Variants in LRRTM4 observed in about 807,000 individuals in gnomAD.
LRRTM4 encodes leucine rich repeat transmembrane neuronal 4, also known as leucine-rich repeat transmembrane neuronal protein 4.
LRRTM4 carries 25 observed loss-of-function variants against 47.6 expected under a neutral mutation model. The observed-to-expected ratio is 0.53, with a 90% confidence interval of 0.38 to 0.73. The LOEUF (loss-of-function observed/expected upper bound fraction) is 0.73, where lower values mean the gene tolerates loss of function less well. Ranked by LOEUF, LRRTM4 falls within the 30% of genes least tolerant of loss-of-function variation. The pLI is 0.00. For synonymous variants in LRRTM4, 311 were observed against 269.5 expected (o/e 1.15, Z -1.51); for missense variants, 638 against 713.4 (o/e 0.89, Z 1.20).
chr2:77,020,228 A>T (rs1235482376), intron 3 of LRRTM4, among the ~76,000 whole-genome samples: 1 of 152,134 alleles, frequency 6.6e-6, no homozygotes, highest in Non-Finnish European at 1.5e-5. Flanking sequence ...AAAATAAAAA[A>T]TAAAAACCTT....
chr2:77,428,139 T>C (rs1348684552), intron 3 of LRRTM4, among the ~76,000 whole-genome samples: 3 of 152,154 alleles, frequency 2.0e-5, no homozygotes, highest in African/African-American at 7.2e-5. Flanking sequence ...GTGTTTCCTT[T>C]CCTTTCTGTC....
At chr2:77,229,400 C>T (rs1428015750) in intron 3 of LRRTM4, among the ~76,000 whole-genome samples, 1 of 152,068 alleles carries the variant, frequency 6.6e-6, no homozygotes, top group African/African-American at 2.4e-5. Context: ...CAAATGATTT[C>T]TAACCTTCTT....
At chr2:77,508,477 C>T (rs1678860515) in intron 3 of LRRTM4, among the ~76,000 whole-genome samples, 1 of 152,096 alleles carries the variant, frequency 6.6e-6, no homozygotes, top group Non-Finnish European at 1.5e-5. Context: ...GGCCAAATCC[C>T]CTCATTGGAA....
chr2:77,048,150 G>A (rs974221421), intron 3 of LRRTM4, among the ~76,000 whole-genome samples: 1 of 152,014 alleles, frequency 6.6e-6, no homozygotes, highest in African/African-American at 2.4e-5. Flanking sequence ...GGGAAAAAAT[G>A]AAGCAGCATG....
chr2:77,486,329 G>A (rs1447819665), intron 3 of LRRTM4, among the ~76,000 whole-genome samples: 1 of 151,952 alleles, frequency 6.6e-6, no homozygotes, highest in Non-Finnish European at 1.5e-5. Context: ...TCAAAAACAG[G>A]GCAGAGCAGT....
chr2:76,901,293 C>CTT (rs1673622518), intron 3 of LRRTM4, among the ~76,000 whole-genome samples: 1 of 152,084 alleles, frequency 6.6e-6, no homozygotes, highest in African/African-American at 2.4e-5. Context: ...TAAGTGAGAA[C>CTT]ATGCAGTGTT....
chr2:77,450,346 T>A (rs543622651), intron 3 of LRRTM4, among the ~76,000 whole-genome samples: 181 of 151,376 alleles, frequency 1.2e-3, no homozygotes, highest in African/African-American at 4.0e-3. Context: ...TCTCATCAGG[T>A]ACAAAGTTAC....
chr2:77,098,656 T>C (rs945478232), intron 3 of LRRTM4, among the ~76,000 whole-genome samples: 9 of 151,872 alleles, frequency 5.9e-5, no homozygotes, highest in African/African-American at 2.2e-4. Flanking sequence ...AAATTGATCA[T>C]ATTTAAAGAC....
chr2:77,099,858 A>G (rs1572961878), intron 3 of LRRTM4, among the ~76,000 whole-genome samples: 1 of 152,222 alleles, frequency 6.6e-6, no homozygotes, highest in South Asian at 2.1e-4. Context: ...TAATTTTAAA[A>G]ATAAAATAAT....
At chr2:77,325,184 C>A (rs956890983) in intron 3 of LRRTM4, among the ~76,000 whole-genome samples, 2 of 152,112 alleles carry the variant, frequency 1.3e-5, no homozygotes, top group Admixed American at 6.6e-5. Context: ...GGACTGCCCC[C>A]CTTCAAAGAG....
At chr2:77,367,461 T>C (rs1672505908) in intron 3 of LRRTM4, among the ~76,000 whole-genome samples, 1 of 151,864 alleles carries the variant, frequency 6.6e-6, no homozygotes, top group Non-Finnish European at 1.5e-5. Context: ...AGTACTTGTG[T>C]ACAAAGCATA....
chr2:76,901,752 G>C (rs987727501), intron 3 of LRRTM4, among the ~76,000 whole-genome samples: 2 of 152,078 alleles, frequency 1.3e-5, no homozygotes, highest in African/African-American at 4.8e-5. Flanking sequence ...TCCTTGTTGA[G>C]TGGGGGTTCC....
At position 77,041,688 on chromosome 2, in the gene LRRTM4, T is replaced by C. The variant is rs572948763; in HGVS notation, c.1552-292772A>G. 2.0e-5 allele frequency among the ~76,000 whole-genome samples: 3 copies of C among 151,428 alleles called. No homozygotes were observed. The East Asian group carries it at 5.9e-4, about 30-fold the overall frequency. On this transcript the variant is annotated intron_variant, in intron 3 of 3. Coordinates refer to ENST00000409884, the MANE Select transcript of LRRTM4 (RefSeq NM_001134745.3). Reference sequence around the variant, plus strand: ...ACTTTTTCATACATCTGTTGGCCCTTTCTATGTCTTTTTTTGAGAAGTATC... The same window carrying C: ...ACTTTTTCATACATCTGTTGGCCCTCTCTATGTCTTTTTTTGAGAAGTATC...
At chr2:76,752,163 C>T (rs1328929916) in intron 3 of LRRTM4, among the ~76,000 whole-genome samples, 3 of 152,106 alleles carry the variant, frequency 2.0e-5, no homozygotes, top group African/African-American at 7.2e-5. Context: ...GAGATGAAAT[C>T]AGGGCCTTAG....
intron 3 of LRRTM4, among the ~76,000 whole-genome samples, chr2:76,843,656 C>A (rs923479004): frequency 6.6e-6 from 1 of 152,012 alleles, no homozygotes; most frequent in Non-Finnish European, 1.5e-5. Context: ...AATAAACAGA[C>A]AAAATAATAC....
intron 3 of LRRTM4, among the ~76,000 whole-genome samples, chr2:77,465,300 T>C (rs1204068981): frequency 6.6e-6 from 1 of 152,192 alleles, no homozygotes; most frequent in Non-Finnish European, 1.5e-5. Context: ...TAGTTAACCA[T>C]GTGAACTGAA....
rs913767853 is a variant in LRRTM4 at position 77,326,298 on chromosome 2, C to T, written c.1551+192020G>A. On this transcript the variant is annotated intron_variant, in intron 3 of 3. Transcript: ENST00000409884. ...ATGAAATAAATGTATCTACTTTTCT[C>T]TTGTTAATCTGTCTTCTGTTATAGG... Among the ~76,000 whole-genome samples, 9 of 152,292 alleles carry T rather than the reference C, an allele frequency of 5.9e-5. No individual in the cohort carries two copies. The South Asian group carries it at 1.2e-3, about 21-fold the overall frequency.
At chr2:76,881,871 T>A (rs921636791) in intron 3 of LRRTM4, among the ~76,000 whole-genome samples, 1 of 152,188 alleles carries the variant, frequency 6.6e-6, no homozygotes, top group Non-Finnish European at 1.5e-5. Context: ...TTTATGGAAT[T>A]CTAATTGTAA....
chr2:77,094,571 A>T (rs913418258), intron 3 of LRRTM4, among the ~76,000 whole-genome samples: 3 of 152,224 alleles, frequency 2.0e-5, no homozygotes, highest in African/African-American at 7.2e-5. Context: ...TACAGCCATA[A>T]ATATAGATAC....
Sources: gnomAD v4.1 joint callset for allele counts (sites outside exome capture counted in the v4.1 genomes callset) on GRCh38, gnomAD v4.1.1 for gene constraint, MANE v1.5 for transcripts, NCBI Gene and HGNC (gene_info 2026-07-23, HGNC 2026-07-21) for gene names.